Variants in LATS2 observed in about 807,000 individuals in gnomAD.
The protein encoded by LATS2 is serine/threonine-protein kinase LATS2.
LATS2 carries 24 observed loss-of-function variants against 76.0 expected under a neutral mutation model. That is an observed-to-expected ratio of 0.32 (90% CI 0.23 to 0.44). The LOEUF is 0.44. LATS2 is among the 20% of genes least tolerant of loss of function. LATS2 has a pLI of 1.00. For synonymous variants in LATS2, 692 were observed against 635.4 expected (o/e 1.09, Z -1.34); for missense variants, 1,286 against 1,481.2 (o/e 0.87, Z 2.16).
intron 2 of LATS2, among the ~76,000 whole-genome samples, chr13:21,030,865 A>G (rs1451684559): frequency 2.0e-5 from 3 of 150,618 alleles, no homozygotes; most frequent in Admixed American, 6.6e-5. Flanking sequence ...TTTTCCCCCC[A>G]TACACCCACC....
At chr13:21,013,832 G>A (rs762186521) in intron 2 of LATS2, among the ~76,000 whole-genome samples, 1 of 151,980 alleles carries the variant, frequency 6.6e-6, no homozygotes, top group Non-Finnish European at 1.5e-5. Flanking sequence ...TTAGCCAGGT[G>A]TGACCACACA....
At chr13:21,007,699 A>ATATATAGTGT (rs1173839566) in intron 2 of LATS2, among the ~76,000 whole-genome samples, 39 of 586 alleles carry the variant, frequency 0.067, 9 homozygotes, top group Non-Finnish European at 0.15. Flanking sequence ...ATATATATAT[A>ATATATAGTGT]GTATGTATAT....
chr13:21,028,665 G>C (rs1257799688), intron 2 of LATS2, among the ~76,000 whole-genome samples: 2 of 152,110 alleles, frequency 1.3e-5, no homozygotes, highest in Admixed American at 1.3e-4. Context: ...CCGCCTCCCG[G>C]GTTCAAGCAA....
At chr13:21,054,044 T>C (rs1243330211) in intron 1 of LATS2, among the ~76,000 whole-genome samples, 2 of 152,350 alleles carry the variant, frequency 1.3e-5, no homozygotes, top group Admixed American at 6.5e-5. Context: ...TACTTAAGAA[T>C]GGTTAAAAGG....
At chr13:21,038,922 A>G (rs529041307) in intron 2 of LATS2, among the ~76,000 whole-genome samples, 5 of 152,294 alleles carry the variant, frequency 3.3e-5, no homozygotes, top group Non-Finnish European at 7.4e-5. Context: ...GGAGGTTGTA[A>G]TGAGCTGAGA....
Position 20,988,910 on chromosome 13 carries a change from G to A in LATS2, c.870C>T (p.Pro290=), listed in dbSNP as rs1344567887. The change falls in exon 4 of 8, where the codon CCC becomes CCT. Residue 290 remains proline (P), a synonymous_variant. Transcript: ENST00000382592. Reference sequence around the variant, plus strand: ...CTGGCGGTCCTCCCTGGCCCTTCGTGGGCAGGCTGGCGTAACCCCCGGTCT... The same window carrying A: ...CTGGCGGTCCTCCCTGGCCCTTCGTAGGCAGGCTGGCGTAACCCCCGGTCT... ...PPETGGYASL[P]TKGQGGPPGA... is the part of the protein sequence containing the mutation. The A allele has an allele frequency of 3.9e-6, 6 of 1,527,784 alleles. No homozygotes were observed. The Admixed American group carries it at 1.2e-4, about 31-fold the overall frequency. 94.6% of individuals were successfully genotyped at this position (1,527,784 alleles called of 1,614,324 possible).
At chr13:21,029,862 C>G (rs1232130922) in intron 2 of LATS2, among the ~76,000 whole-genome samples, 1 of 151,800 alleles carries the variant, frequency 6.6e-6, no homozygotes, top group Non-Finnish European at 1.5e-5. Context: ...TTTGGGAAGC[C>G]AGGGTGGGTG....
At chr13:21,014,484 G>T (rs1161744076) in intron 2 of LATS2, among the ~76,000 whole-genome samples, 1 of 152,182 alleles carries the variant, frequency 6.6e-6, no homozygotes, top group African/African-American at 2.4e-5. Flanking sequence ...TGCCATAAAG[G>T]AAGTATTTCT....
At chr13:21,032,846 C>G (rs112650947) in intron 2 of LATS2, among the ~76,000 whole-genome samples, 3 of 152,104 alleles carry the variant, frequency 2.0e-5, no homozygotes, top group Admixed American at 6.6e-5. Context: ...CCACGGCTGG[C>G]TGGGGAATGC....
chr13:20,983,135 G>A, intron 5 of LATS2, 89 bp downstream of exon 5: 1 of 819,088 alleles, frequency 1.2e-6, no homozygotes. Context: ...AAATGATTAG[G>A]AGCCACTAGG....
chr13:21,017,381 C>T (rs1325193561), intron 2 of LATS2, among the ~76,000 whole-genome samples: 1 of 151,864 alleles, frequency 6.6e-6, no homozygotes, highest in African/African-American at 2.4e-5. Flanking sequence ...TGCTATGTTA[C>T]CCAGGCTGGT....
chr13:20,988,518 T>A lies in LATS2; in HGVS notation c.1262A>T (p.Lys421Met), dbSNP rs559501188. 1.9e-6 allele frequency: 3 copies of A among 1,564,436 alleles called. No homozygotes were observed. Among genetic ancestry groups the A allele is most frequent in the Admixed American group, 3.7e-5 (2 of 53,750 alleles). The change falls in exon 4 of 8, where the codon AAG becomes ATG. Residue 421 changes from lysine (K) to methionine (M), a missense_variant. Transcript: ENST00000382592. ...SHQPRPGPPG[K>M]AEPSLPAPNT... is the part of the protein sequence containing the mutation. Reference sequence around the variant, plus strand: ...GGGGGCGGGCAGGGAGGGCTCGGCCTTGCCAGGCGGACCGGGCCGCGGCTG... The same window carrying A: ...GGGGGCGGGCAGGGAGGGCTCGGCCATGCCAGGCGGACCGGGCCGCGGCTG...
At chr13:20,984,296 G>T (rs779091122) in intron 4 of LATS2, among the ~76,000 whole-genome samples, 3 of 152,086 alleles carry the variant, frequency 2.0e-5, no homozygotes, top group Non-Finnish European at 2.9e-5. Flanking sequence ...AGATAAAAAA[G>T]AAAGTTCTTT....
intron 1 of LATS2, among the ~76,000 whole-genome samples, chr13:21,052,244 TATA>T (rs1384930336): frequency 6.6e-6 from 1 of 152,190 alleles, no homozygotes; most frequent in East Asian, 1.9e-4. Flanking sequence ...ATTAAAGATT[TATA>T]ATAAGTTAGG....
intron 2 of LATS2, among the ~76,000 whole-genome samples, chr13:21,032,288 CAG>C (rs35153836): frequency 0.64 from 97,642 of 151,918 alleles, 33,011 homozygotes; most frequent in Non-Finnish European, 0.76. Context: ...TTTTTTGAGA[CAG>C]AGTCTCGCTC....
At chr13:21,049,460 G>A (rs561798620) in intron 1 of LATS2, among the ~76,000 whole-genome samples, 1 of 152,330 alleles carries the variant, frequency 6.6e-6, no homozygotes, top group African/African-American at 2.4e-5. Flanking sequence ...TGGGACATTT[G>A]CCCGGCCAGA....
chr13:21,006,547 T>A (rs1400449372), intron 2 of LATS2, among the ~76,000 whole-genome samples: 2 of 152,212 alleles, frequency 1.3e-5, no homozygotes, highest in South Asian at 2.1e-4. Flanking sequence ...AGATTAAATG[T>A]GACTCCGGAA....
intron 5 of LATS2, among the ~76,000 whole-genome samples, chr13:20,982,311 A>ATTTAT (rs760190495): frequency 2.0e-5 from 3 of 152,060 alleles, no homozygotes; most frequent in Non-Finnish European, 2.9e-5. Flanking sequence ...TGACTCTTTT[A>ATTTAT]TTTATTTTAT....
chr13:21,021,305 T>C (rs566105761), intron 2 of LATS2, among the ~76,000 whole-genome samples: 5 of 151,984 alleles, frequency 3.3e-5, no homozygotes, highest in Non-Finnish European at 7.4e-5. Flanking sequence ...AAACCCTGTC[T>C]CTACTAAAAA....
Sources: allele counts gnomAD v4.1 joint callset (sites outside exome capture counted in the v4.1 genomes callset), GRCh38; gene constraint gnomAD v4.1.1; transcripts MANE v1.5; gene names NCBI Gene and HGNC (gene_info 2026-07-23, HGNC 2026-07-21).